The following KCMF1 variants were observed in gnomAD, a reference collection of about 807,000 sequenced individuals.
KCMF1 encodes E3 ubiquitin-protein ligase KCMF1.
A neutral mutation model predicts 41.1 loss-of-function variants in KCMF1; 3 were observed. The ratio of observed to expected loss-of-function variants is 0.07; its 90% CI spans 0.03 to 0.19. The LOEUF is 0.19. KCMF1 is among the 10% of genes least tolerant of loss of function. The pLI is 1.00. For synonymous variants in KCMF1, 142 were observed against 164.5 expected, an observed-to-expected ratio of 0.86 and a Z score of 1.04; for missense variants, 286 against 488.9, an observed-to-expected ratio of 0.58 and a Z score of 3.91.
chr2:84,972,448 G>A (rs180834333), intron 1 of KCMF1, among the ~76,000 whole-genome samples: 1 of 152,174 alleles, frequency 6.6e-6, no homozygotes, highest in Admixed American at 6.5e-5. Flanking sequence ...AAAGGAGGAG[G>A]GGGTTGTGTT....
intron 3 of KCMF1, among the ~76,000 whole-genome samples, chr2:85,036,858 A>G (rs1181668498): frequency 6.7e-6 from 1 of 148,696 alleles, no homozygotes; most frequent in Non-Finnish European, 1.5e-5. Flanking sequence ...ATATAACATT[A>G]ATTGATAATA....
In KCMF1 at chr2:85,056,286, T is replaced by C. The variant is rs890834719; in HGVS notation, c.*2877T>C. 7 of 151,868 alleles carry C rather than the reference T, an allele frequency of 4.6e-5. No individual in the cohort carries two copies. Among genetic ancestry groups the C allele is most frequent in the African/African-American group, 1.7e-4 (7 of 41,360 alleles). 9.4% of individuals were successfully genotyped at this position (151,868 alleles called of 1,614,324 possible). ...GAAATAATAGACGTAACAAAAAAAATCCAGCCCATTATCCCCACCCCCCAT... is the reference window on the plus strand; with the variant it reads ...GAAATAATAGACGTAACAAAAAAAACCCAGCCCATTATCCCCACCCCCCAT... On this transcript the variant is annotated 3_prime_UTR_variant, in exon 7 of 7. Transcript: ENST00000409785.
At chr2:84,971,627 G>A (rs1235934007) in intron 1 of KCMF1, among the ~76,000 whole-genome samples, 160 bp downstream of exon 1, 1 of 150,710 alleles carries the variant, frequency 6.6e-6, no homozygotes, top group Non-Finnish European at 1.5e-5. Context: ...AGGGCGGAGA[G>A]CCGCGGCGCC....
At position 85,058,908 on chromosome 2, in the gene KCMF1, G is replaced by A. The variant is rs892711406; in HGVS notation, c.*5499G>A. On this transcript the variant is annotated 3_prime_UTR_variant, in exon 7 of 7. Coordinates refer to ENST00000409785, the MANE Select transcript of KCMF1 (RefSeq NM_020122.5). Reference sequence around the variant, plus strand: ...CCAGAAGCATCCTCTTCTGTAAGCTGGATGGAGTCCCAGCTCTCTCTCCTT... The same window carrying A: ...CCAGAAGCATCCTCTTCTGTAAGCTAGATGGAGTCCCAGCTCTCTCTCCTT... 2 of 152,164 alleles carry A rather than the reference G, an allele frequency of 1.3e-5. No individual in the cohort carries two copies. The highest frequency in any genetic ancestry group is 2.4e-5 in the African/African-American group (1 of 41,442). 9.4% of individuals were successfully genotyped at this position (152,164 alleles called of 1,614,324 possible).
At chr2:84,992,888 G>A (rs1674077755) in intron 1 of KCMF1, among the ~76,000 whole-genome samples, 1 of 152,130 alleles carries the variant, frequency 6.6e-6, no homozygotes, top group Non-Finnish European at 1.5e-5. Flanking sequence ...CCAAAGTGCT[G>A]AGATTACAGC....
Position 84,971,478 on chromosome 2 carries a change from C to T in KCMF1, c.16+11C>T, listed in dbSNP as rs762114426. On this transcript the variant is annotated intron_variant, in intron 1 of 6. Transcript: ENST00000409785. Reference sequence around the variant, plus strand: ...TGTCCCGACATGAAGGTGAGAGGAGCCCCCGCCCCCACCCGCACCTCCCGG... The same window carrying T: ...TGTCCCGACATGAAGGTGAGAGGAGTCCCCGCCCCCACCCGCACCTCCCGG... 66 of 1,258,226 alleles carry T rather than the reference C, an allele frequency of 5.2e-5. No individual in the cohort carries two copies. The highest frequency in any genetic ancestry group is 6.0e-5 in the Non-Finnish European group (59 of 979,132). The allele number at this position is 1,258,226 out of a possible 1,614,324, so 77.9% of individuals were successfully genotyped here.
intron 1 of KCMF1, among the ~76,000 whole-genome samples, chr2:85,008,255 T>TTATATATAATATATAATATGATATATAA (rs1194893664): frequency 1.6e-5 from 1 of 64,022 alleles, no homozygotes; most frequent in African/African-American, 6.8e-5. Flanking sequence ...ATGATATATA[T>TTATATATAATATATAATATGATATATAA]TATATATCAT....
intron 1 of KCMF1, among the ~76,000 whole-genome samples, chr2:84,984,558 C>T (rs1266661659): frequency 5.3e-5 from 8 of 151,170 alleles, no homozygotes; most frequent in African/African-American, 1.9e-4. Flanking sequence ...CGGTGGCTCA[C>T]ACCTGTAATC....
At chr2:85,032,553 T>A (rs772967648) in intron 2 of KCMF1, among the ~76,000 whole-genome samples, 4 of 152,030 alleles carry the variant, frequency 2.6e-5, no homozygotes, top group Non-Finnish European at 5.9e-5. Context: ...ATTTTTGTAT[T>A]TTTAGTAGAG....
At chr2:85,024,591 T>TGC (rs1558579509) in intron 1 of KCMF1, among the ~76,000 whole-genome samples, 2 of 151,582 alleles carry the variant, frequency 1.3e-5, no homozygotes, top group African/African-American at 4.8e-5. Flanking sequence ...AGAGTGTGTG[T>TGC]GTGTGTGTGT....
chr2:85,007,411 C>T (rs1674499814), intron 1 of KCMF1, among the ~76,000 whole-genome samples: 1 of 152,158 alleles, frequency 6.6e-6, no homozygotes. Context: ...CACAAATGCA[C>T]CTTGGAAACT....
intron 1 of KCMF1, among the ~76,000 whole-genome samples, chr2:85,003,956 GAT>G (rs1373057797): frequency 6.6e-5 from 10 of 152,250 alleles, no homozygotes; most frequent in Non-Finnish European, 1.2e-4. Context: ...CCACCCAGTG[GAT>G]GCCTGAACCT....
At chr2:84,996,430 A>ATTTTTT (rs869089697) in intron 1 of KCMF1, among the ~76,000 whole-genome samples, 3 of 124,060 alleles carry the variant, frequency 2.4e-5, no homozygotes, top group African/African-American at 9.9e-5. Context: ...ATAACCTAAG[A>ATTTTTT]TTTTTTTTTT....
rs145440234 is a variant in KCMF1 at position 84,976,366 on chromosome 2, C to T, written c.16+4899C>T. ...GGATTATAGGCACCTGCCACTGCTA[C>T]TGGCTAATTTTTCTATTTTTAGTGG... On this transcript the variant is annotated intron_variant, in intron 1 of 6. Coordinates refer to ENST00000409785, the MANE Select transcript of KCMF1 (RefSeq NM_020122.5). Among the ~76,000 whole-genome samples, 8 of 152,186 alleles carry T rather than the reference C, an allele frequency of 5.3e-5. No homozygotes were observed. In the East Asian group the frequency reaches 1.5e-3, roughly 29 times the overall value.
intron 1 of KCMF1, among the ~76,000 whole-genome samples, chr2:85,008,321 C>CATATATAATATATCATATATATA (rs1558573489): frequency 1.4e-4 from 6 of 43,950 alleles, no homozygotes; most frequent in Admixed American, 4.6e-4. Context: ...ATATATATAT[C>CATATATAATATATCATATATATA]ATATATAATA....
intron 1 of KCMF1, among the ~76,000 whole-genome samples, chr2:84,971,779 G>A (rs1167987879): frequency 6.6e-6 from 1 of 150,830 alleles, no homozygotes; most frequent in African/African-American, 2.4e-5. Flanking sequence ...CGGCCTTCGG[G>A]ACTGATACCG....
In KCMF1 at chr2:85,028,667, C is replaced by CT. The variant is rs1303101709; in HGVS notation, c.184+614dup. On this transcript the variant is annotated intron_variant, in intron 2 of 6. Transcript: ENST00000409785. ...ACCATGCCCGGCTGATTTTTTGTAT[C>CT]TTTAGTAGAGATAGGGTTTCACCAT... is the stretch of plus-strand genomic sequence containing the variant. Among the ~76,000 whole-genome samples the CT allele has an allele frequency of 6.6e-5, 10 of 151,056 alleles. No individual in the cohort carries two copies. The East Asian group carries it at 2.0e-3, about 30-fold the overall frequency.
chr2:84,990,067 C>A (rs1046870183), intron 1 of KCMF1, among the ~76,000 whole-genome samples: 3 of 152,094 alleles, frequency 2.0e-5, no homozygotes, highest in Non-Finnish European at 4.4e-5. Flanking sequence ...AGAATATGGT[C>A]AATAGCACTA....
chr2:85,022,185 A>G (rs1674963174), intron 1 of KCMF1, among the ~76,000 whole-genome samples: 1 of 151,202 alleles, frequency 6.6e-6, no homozygotes. Context: ...AGAATCTACA[A>G]CCTAGGCTGG....
Sources: gnomAD v4.1 joint callset for allele counts (sites outside exome capture counted in the v4.1 genomes callset) on GRCh38, gnomAD v4.1.1 for gene constraint, MANE v1.5 for transcripts, NCBI Gene and HGNC (gene_info 2026-07-23, HGNC 2026-07-21) for gene names.